The following C6orf58 variants were observed in gnomAD, a reference collection of about 807,000 sequenced individuals.
The protein encoded by C6orf58 is chromosome 6 open reading frame 58.
Under a neutral mutation model 37.0 loss-of-function variants are expected in C6orf58, and 30 were observed. That is an observed-to-expected ratio of 0.81 (90% CI 0.61 to 1.10). The LOEUF (loss-of-function observed/expected upper bound fraction) is 1.10, where lower values mean the gene tolerates loss of function less well. C6orf58 is among the 50% of genes least tolerant of loss of function. The pLI is 0.00. For missense variants in C6orf58, 368 were observed against 387.5 expected (o/e 0.95, Z 0.42); for synonymous variants, 143 against 134.1 (o/e 1.07, Z -0.46).
intron 1 of C6orf58, among the ~76,000 whole-genome samples, chr6:127,578,288 A>G (rs1465270368): frequency 1.3e-5 from 2 of 152,140 alleles, no homozygotes; most frequent in Admixed American, 1.3e-4. Flanking sequence ...CATAGATGAG[A>G]AAACTAAGGC....
rs1174590769 is a variant in C6orf58 at position 127,591,799 on chromosome 6, A to G, written c.*177A>G. 2 of 404,482 alleles carry G rather than the reference A, an allele frequency of 4.9e-6. No homozygotes were observed. Among genetic ancestry groups the G allele is most frequent in the Non-Finnish European group, 8.1e-6 (2 of 245,950 alleles). 25.1% of individuals were successfully genotyped at this position (404,482 alleles called of 1,614,324 possible). On this transcript the variant is annotated 3_prime_UTR_variant, in exon 6 of 6. Transcript: ENST00000329722. ...TGTACATGTATTAAAAACTTAAATT[A>G]AATGCATTCAAGTTAAAATAATGAT...
intron 1 of C6orf58, among the ~76,000 whole-genome samples, chr6:127,577,697 A>G (rs966424103): frequency 6.6e-6 from 1 of 152,124 alleles, no homozygotes; most frequent in Non-Finnish European, 1.5e-5. Flanking sequence ...TAGAAGCTTC[A>G]ATGAGGCATA....
chr6:127,591,132 A>C (rs1009262074), intron 5 of C6orf58, among the ~76,000 whole-genome samples: 3 of 152,088 alleles, frequency 2.0e-5, no homozygotes, highest in African/African-American at 7.2e-5. Flanking sequence ...CCCTTCACAC[A>C]ATCAGTAGCA....
intron 4 of C6orf58, among the ~76,000 whole-genome samples, chr6:127,587,811 C>G (rs75101503): frequency 6.6e-6 from 1 of 152,098 alleles, no homozygotes; most frequent in Non-Finnish European, 1.5e-5. Context: ...TTATGCTTAA[C>G]GTACTGCTGG....
At chr6:127,585,738 C>T (rs1018389811) in intron 4 of C6orf58, among the ~76,000 whole-genome samples, 2 of 152,134 alleles carry the variant, frequency 1.3e-5, no homozygotes, top group African/African-American at 2.4e-5. Flanking sequence ...TTTAGAAAAA[C>T]GTATAAATAA....
chr6:127,589,949 C>T, intron 4 of C6orf58, 138 bp from the exon 5 acceptor site: 1 of 636,904 alleles, frequency 1.6e-6, no homozygotes. Context: ...ATAAAGTCAT[C>T]ACAATATCAA....
rs749870426 is a variant in C6orf58 at position 127,577,411 on chromosome 6, G to T, written c.226G>T (p.Ala76Ser). The T allele has an allele frequency of 3.7e-6, 6 of 1,613,650 alleles. No individual in the cohort carries two copies. Among genetic ancestry groups the T allele is most frequent in the Admixed American group, 1.7e-5 (1 of 59,952 alleles). Residue 76 changes from alanine (A) to serine (S), a missense_variant, in exon 1 of 6, where the codon GCA becomes TCA. Transcript: ENST00000329722. ...ATTGAATCAGACAGCCAGGTATTTTGCAAAATTTGCACCAGATAATGAACA... is the reference window on the plus strand; with the variant it reads ...ATTGAATCAGACAGCCAGGTATTTTTCAAAATTTGCACCAGATAATGAACA... ...IILNQTARYF[A>S]KFAPDNEQNI...
rs1775003247 is a variant in C6orf58 at position 127,577,557 on chromosome 6, CTG to C, written c.301+73_301+74del. On this transcript the variant is annotated intron_variant, in intron 1 of 5. Transcript: ENST00000329722. ...TATGAAGTATTTGGGAAATTGGACTCTGTATATACCCTACTATGTTTTTAAAA... is the reference window on the plus strand; with the variant it reads ...TATGAAGTATTTGGGAAATTGGACTCTATATACCCTACTATGTTTTTAAAA... The C allele has an allele frequency of 4.0e-6, 5 of 1,240,560 alleles. No homozygotes were observed. In the Admixed American group the frequency reaches 8.3e-5, roughly 21 times the overall value. 76.8% of individuals were successfully genotyped at this position (1,240,560 alleles called of 1,614,324 possible).
At chr6:127,584,783 C>CA (rs34714127) in intron 4 of C6orf58, among the ~76,000 whole-genome samples, 146 of 119,602 alleles carry the variant, frequency 1.2e-3, no homozygotes, top group African/African-American at 1.4e-3. Flanking sequence ...ACTCCATCTC[C>CA]AAAAAAAAAA....
At chr6:127,587,961 T>G (rs1775123239) in intron 4 of C6orf58, among the ~76,000 whole-genome samples, 1 of 152,188 alleles carries the variant, frequency 6.6e-6, no homozygotes. Context: ...CTGAGTTAAG[T>G]TAGCTTTGTT....
intron 4 of C6orf58, among the ~76,000 whole-genome samples, chr6:127,588,677 A>T: frequency 6.6e-6 from 1 of 152,184 alleles, no homozygotes; most frequent in South Asian, 2.1e-4. Context: ...TGACCAACAA[A>T]TCATTCAACT....
rs751561562 is a variant in C6orf58 at position 127,581,255 on chromosome 6, C to T, written c.647C>T (p.Ala216Val). ...YLWAAHTSTLADNIKSFEDRY... is the reference protein window; with the variant it reads ...YLWAAHTSTLVDNIKSFEDRY... ...TGGGCTGCACACACTTCAACCTTGG[C>T]AGATAATATCAAAAGTTTTGAAGAC... The change falls in exon 4 of 6, where the codon GCA (alanine) becomes GTA (valine). Residue 216 changes from alanine to valine, a missense_variant. Ala to Val is a moderately conservative substitution (Grantham distance 64). Transcript: ENST00000329722. The T allele has an allele frequency of 8.6e-6, 13 of 1,516,822 alleles. No homozygotes were observed. Among genetic ancestry groups the T allele is most frequent in the African/African-American group, 1.4e-5 (1 of 71,826 alleles). The allele number at this position is 1,516,822 out of a possible 1,614,324, so 94.0% of individuals were successfully genotyped here.
chr6:127,583,804 C>T (rs920353798), intron 4 of C6orf58, among the ~76,000 whole-genome samples: 2 of 152,048 alleles, frequency 1.3e-5, no homozygotes, highest in African/African-American at 4.8e-5. Flanking sequence ...TATGCTTTGG[C>T]AAAATGCATT....
At chr6:127,577,589 A>C in intron 1 of C6orf58, 103 bp downstream of exon 1, 1 of 948,542 alleles carries the variant, frequency 1.1e-6, no homozygotes, top group Non-Finnish European at 1.6e-6. Flanking sequence ...TTAAAAATTG[A>C]TTCTTTATCT....
chr6:127,591,277 T>C (rs959745190), intron 5 of C6orf58, among the ~76,000 whole-genome samples: 18 of 152,210 alleles, frequency 1.2e-4, no homozygotes, highest in Non-Finnish European at 2.5e-4. Flanking sequence ...TGACATTTTA[T>C]ATATATTTTT....
intron 4 of C6orf58, among the ~76,000 whole-genome samples, chr6:127,589,288 T>A (rs1156368005): frequency 6.6e-6 from 1 of 152,184 alleles, no homozygotes; most frequent in Non-Finnish European, 1.5e-5. Context: ...ATATCTATGA[T>A]GAGACTTGAA....
chr6:127,579,603 A>G (rs1045948155), intron 2 of C6orf58, among the ~76,000 whole-genome samples: 4 of 152,088 alleles, frequency 2.6e-5, no homozygotes, highest in African/African-American at 9.7e-5. Flanking sequence ...ACTGATTTCT[A>G]GTGGAAATCA....
intron 4 of C6orf58, 42 bp downstream of exon 4, chr6:127,581,324 A>G (rs768798935): frequency 1.4e-5 from 12 of 886,958 alleles, no homozygotes; most frequent in Non-Finnish European, 2.0e-5. Context: ...AATATGATAA[A>G]TAATTTTGGG....
chr6:127,578,830 A>G, intron 2 of C6orf58, 58 bp downstream of exon 2: 1 of 1,279,902 alleles, frequency 7.8e-7, no homozygotes, highest in Non-Finnish European at 1.1e-6. Flanking sequence ...AAGCATTCAA[A>G]CCTAAAATCT....
Sources: gnomAD v4.1 joint callset for allele counts (sites outside exome capture counted in the v4.1 genomes callset) on GRCh38, gnomAD v4.1.1 for gene constraint, MANE v1.5 for transcripts, NCBI Gene and HGNC (gene_info 2026-07-23, HGNC 2026-07-21) for gene names.